USP32: variants seen among roughly 807,000 people sequenced by gnomAD.
USP32 encodes ubiquitin specific peptidase 32, also known as ubiquitin carboxyl-terminal hydrolase 32.
USP32 carries 59 observed loss-of-function variants against 204.8 expected under a neutral mutation model. That is an observed-to-expected ratio of 0.29 (90% CI 0.23 to 0.36). The LOEUF is 0.36. Ranked by LOEUF, USP32 falls within the 10% of genes least tolerant of loss-of-function variation. The pLI is 1.00. For synonymous variants in USP32, 517 were observed against 678.4 expected (o/e 0.76, Z 3.70); for missense variants, 1,160 against 1,946.4 (o/e 0.60, Z 7.60).
intron 32 of USP32, 47 bp from the exon 33 acceptor site, chr17:60,180,684 A>G (rs2084085825): frequency 1.3e-6 from 2 of 1,566,070 alleles, no homozygotes; most frequent in African/African-American, 2.7e-5. Context: ...TAACTGTACT[A>G]TGGCCAGGGT....
In USP32 at chr17:60,344,128, A is replaced by ATT. The variant is rs1223926673; in HGVS notation, c.186+1351_186+1352dup. On this transcript the variant is annotated intron_variant, in intron 2 of 33. Transcript: ENST00000300896. ...ATAATATACCAAGCCTAAAATTCCT[A>ATT]TTTTTTTTTTTTTTTTTTGAGTCAG... Among the ~76,000 whole-genome samples the ATT allele has an allele frequency of 1.6e-3, 214 of 131,172 alleles. 2 individuals carry two copies. Among genetic ancestry groups the ATT allele is most frequent in the African/African-American group, 5.3e-3 (178 of 33,690 alleles). The allele number at this position is 131,172 out of a possible 152,430, so 86.1% of individuals were successfully genotyped here.
At chr17:60,392,190 T>TCTCTCCTCC (rs2089852879), upstream of USP32, 2 of 452,210 alleles carry the variant, frequency 4.4e-6, no homozygotes, top group South Asian at 2.4e-5. Flanking sequence ...CTCTCTCCTC[T>TCTCTCCTCC]CTCTCCTCCC....
intron 2 of USP32, among the ~76,000 whole-genome samples, chr17:60,303,360 A>G (rs1484995047): frequency 6.6e-6 from 1 of 152,144 alleles, no homozygotes; most frequent in Non-Finnish European, 1.5e-5. Context: ...AAGGAAGATC[A>G]ATGTAAAAGT....
chr17:60,301,704 C>A lies in USP32; in HGVS notation c.187G>T (p.Val63Leu). ...GTTCCACCAAAAGAACAGTAAATCA[C>A]CTGGAAAAAGATGATAAAGCCAACC... Reference protein sequence around the residue: ...GDGVPPKVAEVIYCSFGGTSK... With the variant: ...GDGVPPKVAELIYCSFGGTSK... The change falls in exon 3 of 34, where the codon GTG (valine) becomes TTG (leucine). Residue 63 changes from valine to leucine, a missense_variant and splice_region_variant. This residue lies in a region of USP32 where 536 missense variants were observed against 680.9 expected (regional missense o/e 0.79). Transcript: ENST00000300896. 6.3e-7 allele frequency: 1 copy of A among 1,580,432 alleles called. No homozygotes were observed. The highest frequency in any genetic ancestry group is 1.2e-5 in the South Asian group (1 of 84,924).
intron 1 of USP32, among the ~76,000 whole-genome samples, chr17:60,383,931 A>C (rs2089687207): frequency 6.6e-6 from 1 of 152,256 alleles, no homozygotes; most frequent in Non-Finnish European, 1.5e-5. Context: ...TTAAGAATAC[A>C]CTGACTGTGT....
In USP32 at chr17:60,234,356, G is replaced by A. The variant is rs189896658; in HGVS notation, c.1239+1782C>T. Among the ~76,000 whole-genome samples the A allele has an allele frequency of 9.5e-3, 1,433 of 150,716 alleles. 30 individuals carry two copies. The highest frequency in any genetic ancestry group is 0.033 in the African/African-American group (1,377 of 41,182). On this transcript the variant is annotated intron_variant, in intron 12 of 33. Coordinates refer to ENST00000300896, the MANE Select transcript of USP32 (RefSeq NM_032582.4). ...TCTCGATCTCCCGACCTCGTGATCC[G>A]CCCGCCTTGGCCTCCCAAAGTGCTG...
At chr17:60,394,804 C>A (rs764027172), upstream of USP32, among the ~76,000 whole-genome samples, 1 of 152,020 alleles carries the variant, frequency 6.6e-6, no homozygotes, top group Non-Finnish European at 1.5e-5. Flanking sequence ...AATGCAGTGG[C>A]GCAATCTCGG....
rs201430541 is a variant in USP32, at chr17:60,223,555, A to T, written c.1464T>A (p.Asp488Glu). 84 of 1,609,336 alleles carry T rather than the reference A, an allele frequency of 5.2e-5. No homozygotes were observed. Among genetic ancestry groups the T allele is most frequent in the Non-Finnish European group, 6.7e-5 (79 of 1,178,992 alleles). Residue 488 changes from aspartate (D) to glutamate (E), a missense_variant, in exon 14 of 34, where the codon GAT (aspartate) becomes GAA (glutamate). Transcript: ENST00000300896. ...TGTTATGTTGTCGAGCAAAGCAAAC[A>T]TCTGCCCCTGGTGTGGCAGAATACA... ...GFLYSATPGA[D>E]VCFARQHNTS...
intron 1 of USP32, among the ~76,000 whole-genome samples, chr17:60,355,777 A>C (rs2089055639): frequency 6.8e-6 from 1 of 148,126 alleles, no homozygotes; most frequent in Non-Finnish European, 1.5e-5. Flanking sequence ...TCAAGGCTGC[A>C]GTCAGCCATG....
At position 60,226,271 on chromosome 17, in the gene USP32, A is replaced by C. The variant is rs1434016434; in HGVS notation, c.1240-40T>G. The C allele has an allele frequency of 2.7e-6, 4 of 1,492,718 alleles. No individual in the cohort carries two copies. In the African/African-American group the frequency reaches 4.3e-5, roughly 16 times the overall value. 92.5% of individuals were successfully genotyped at this position (1,492,718 alleles called of 1,614,324 possible). On this transcript the variant is annotated intron_variant, in intron 12 of 33. Coordinates refer to ENST00000300896, the MANE Select transcript of USP32 (RefSeq NM_032582.4). ...TCAGAGAATAAGAAGCAAAGTTTAT[A>C]ATCTGACAACTATGTAGTCTTCAGA...
At chr17:60,180,746 G>C (rs1456227380) in intron 32 of USP32, 109 bp from the exon 33 acceptor site, 26 of 1,138,876 alleles carry the variant, frequency 2.3e-5, no homozygotes, top group Admixed American at 1.3e-4. Context: ...TGATCAGTAG[G>C]TGAAAAAATA....
intron 12 of USP32, among the ~76,000 whole-genome samples, chr17:60,235,898 G>A (rs988955186): frequency 6.6e-6 from 1 of 152,226 alleles, no homozygotes; most frequent in South Asian, 2.1e-4. Flanking sequence ...AGGTACCCCC[G>A]TACCCAATAT....
chr17:60,366,268 C>T (rs1262293327), intron 1 of USP32, among the ~76,000 whole-genome samples: 1 of 152,158 alleles, frequency 6.6e-6, no homozygotes, highest in Non-Finnish European at 1.5e-5. Flanking sequence ...AAGCGATTCT[C>T]CTGCCTCAGC....
rs180932053 is a variant in USP32 at position 60,226,981 on chromosome 17, T to G, written c.1240-750A>C. 1.5e-5 allele frequency among the ~76,000 whole-genome samples: 2 copies of G among 133,312 alleles called. 1 individual carries two copies. The highest frequency in any genetic ancestry group is 1.8e-4 in the Admixed American group (2 of 11,054). 87.5% of individuals were successfully genotyped at this position (133,312 alleles called of 152,430 possible). A position where few individuals can be genotyped will look rare whatever the true frequency, so the allele number is the denominator to read the frequency against. The stretch of plus-strand genomic sequence containing the variant: ...ATCACTTGAACCCGGGAGGTTGCAG[T>G]AAGCTGAGATTGCGCCACTGTACTC... On this transcript the variant is annotated intron_variant, in intron 12 of 33. Coordinates refer to ENST00000300896, the MANE Select transcript of USP32 (RefSeq NM_032582.4).
At chr17:60,182,215 T>A (rs895868323) in intron 31 of USP32, among the ~76,000 whole-genome samples, 2 of 152,230 alleles carry the variant, frequency 1.3e-5, no homozygotes, top group African/African-American at 4.8e-5. Context: ...AACTTTTTGG[T>A]TATAGCCTCT....
At chr17:60,284,998 T>C (rs2087074354) in intron 5 of USP32, among the ~76,000 whole-genome samples, 1 of 152,190 alleles carries the variant, frequency 6.6e-6, no homozygotes, top group Non-Finnish European at 1.5e-5. Context: ...GCTGAGCTTA[T>C]CTCTCTCCCC....
chr17:60,240,518 A>G (rs567455151), intron 11 of USP32, among the ~76,000 whole-genome samples: 2 of 152,004 alleles, frequency 1.3e-5, no homozygotes, highest in African/African-American at 4.8e-5. Flanking sequence ...GAGAGACAAA[A>G]GACAGAGACA....
chr17:60,420,484 A>G (rs945367932), intron 1 of USP32, among the ~76,000 whole-genome samples: 6 of 151,910 alleles, frequency 3.9e-5, no homozygotes, highest in Admixed American at 1.3e-4. Flanking sequence ...CGTGACCAAC[A>G]TGGAGAAACC....
intron 1 of USP32, among the ~76,000 whole-genome samples, chr17:60,387,957 AGTTAAATT>A (rs1268207447): frequency 6.6e-6 from 1 of 152,130 alleles, no homozygotes; most frequent in Non-Finnish European, 1.5e-5. Flanking sequence ...ACCATCGTAA[AGTTAAATT>A]GTAAGTCGGG....
Sources: gnomAD v4.1 joint callset for allele counts (sites outside exome capture counted in the v4.1 genomes callset) on GRCh38, gnomAD v4.1.1 for gene constraint, gnomAD v4.1.1 regional missense constraint, MANE v1.5 for transcripts, NCBI Gene and HGNC (gene_info 2026-07-23, HGNC 2026-07-21) for gene names.